MACROD2: variants seen among roughly 807,000 people sequenced by gnomAD.
The protein encoded by MACROD2 is ADP-ribose glycohydrolase MACROD2.
In MACROD2, 36 loss-of-function variants were observed where a neutral mutation model predicts 70.4. That is an observed-to-expected ratio of 0.51 (90% CI 0.39 to 0.68). The LOEUF is 0.68. MACROD2 is among the 30% of genes least tolerant of loss of function. The probability of loss-of-function intolerance (pLI) is 0.00; values close to 1 mark genes in which losing one functional copy is unlikely to be tolerated. For missense variants in MACROD2, 496 were observed against 538.4 expected, an observed-to-expected ratio of 0.92 and a Z score of 0.78; for synonymous variants, 172 against 178.8, an observed-to-expected ratio of 0.96 and a Z score of 0.30.
At chr20:15,904,625 G>C (rs530895381) in intron 10 of MACROD2, among the ~76,000 whole-genome samples, 87 of 151,838 alleles carry the variant, frequency 5.7e-4, no homozygotes, top group African/African-American at 2.0e-3. Context: ...AGGCGCGGTG[G>C]CTCACGCCTG....
chr20:15,297,180 C>G (rs1273662950), intron 6 of MACROD2, among the ~76,000 whole-genome samples: 2 of 152,118 alleles, frequency 1.3e-5, no homozygotes, highest in East Asian at 1.9e-4. Flanking sequence ...TTTTGCCCTT[C>G]TAAGTAGTCT....
intron 8 of MACROD2, among the ~76,000 whole-genome samples, chr20:15,616,725 G>A (rs1053681718): frequency 6.6e-6 from 1 of 152,102 alleles, no homozygotes; most frequent in East Asian, 1.9e-4. Flanking sequence ...CATCCCTCGT[G>A]CTAGTAAAAC....
At chr20:15,266,174 G>T (rs2077292689) in intron 6 of MACROD2, among the ~76,000 whole-genome samples, 2 of 152,162 alleles carry the variant, frequency 1.3e-5, no homozygotes, top group Non-Finnish European at 2.9e-5. Flanking sequence ...TAAACTTAAA[G>T]ATTCATAAGC....
At chr20:14,739,357 G>A (rs1471003799) in intron 5 of MACROD2, among the ~76,000 whole-genome samples, 2 of 151,732 alleles carry the variant, frequency 1.3e-5, no homozygotes, top group Non-Finnish European at 2.9e-5. Flanking sequence ...TGGCAAAAAA[G>A]GACAGGATAA....
At chr20:14,564,509 A>C (rs1039753969) in intron 4 of MACROD2, among the ~76,000 whole-genome samples, 3 of 151,986 alleles carry the variant, frequency 2.0e-5, no homozygotes, top group Non-Finnish European at 2.9e-5. Flanking sequence ...CAAGAAAAAA[A>C]CAAATAACTC....
chr20:15,745,940 T>C (rs1184082624), intron 8 of MACROD2, among the ~76,000 whole-genome samples: 1 of 152,136 alleles, frequency 6.6e-6, no homozygotes, highest in Non-Finnish European at 1.5e-5. Flanking sequence ...TTAAAATATA[T>C]CTTAATATTT....
intron 5 of MACROD2, among the ~76,000 whole-genome samples, chr20:14,800,797 T>C (rs2122138698): frequency 6.6e-6 from 1 of 152,222 alleles, no homozygotes; most frequent in South Asian, 2.1e-4. Context: ...TCCAGAATTG[T>C]CTTGAATTGA....
intron 3 of MACROD2, among the ~76,000 whole-genome samples, chr20:14,310,428 C>G (rs2082556509): frequency 6.6e-6 from 1 of 152,074 alleles, no homozygotes; most frequent in Non-Finnish European, 1.5e-5. Flanking sequence ...TATAATGGAG[C>G]TGAAAAATTC....
rs542765050 is a variant in MACROD2, at chr20:16,034,273, G to A, written c.1154-6928G>A. ...GCAGTTTGTGGGAAAGCATCATTAC[G>A]GTATAGTGTACCGTGGACTCAGCTT... On this transcript the variant is annotated intron_variant, in intron 15 of 17. Coordinates refer to ENST00000684519, the MANE Select transcript of MACROD2 (RefSeq NM_001351661.2). Among the ~76,000 whole-genome samples the A allele has an allele frequency of 1.8e-4, 27 of 152,018 alleles. No individual in the cohort carries two copies. The South Asian group carries it at 1.9e-3, about 11-fold the overall frequency.
At chr20:14,095,872 G>A (rs2054217208) in intron 3 of MACROD2, among the ~76,000 whole-genome samples, 1 of 152,166 alleles carries the variant, frequency 6.6e-6, no homozygotes, top group Admixed American at 6.5e-5. Flanking sequence ...TAGTTGACCT[G>A]CCTTTGACAG....
intron 4 of MACROD2, among the ~76,000 whole-genome samples, chr20:14,555,719 A>G (rs553386230): frequency 3.9e-5 from 6 of 152,212 alleles, no homozygotes; most frequent in Non-Finnish European, 8.8e-5. Context: ...GGGAAAGGGC[A>G]TGGACACTTT....
intron 3 of MACROD2, among the ~76,000 whole-genome samples, chr20:14,479,678 C>T (rs978626221): frequency 3.3e-5 from 5 of 151,900 alleles, no homozygotes; most frequent in South Asian, 2.1e-4. Context: ...GAGGAGGAAC[C>T]AGAAAAAACA....
chr20:15,099,378 A>G (rs2075855765), intron 5 of MACROD2, among the ~76,000 whole-genome samples: 1 of 152,108 alleles, frequency 6.6e-6, no homozygotes, highest in Non-Finnish European at 1.5e-5. Context: ...GAAGAGTAAA[A>G]CAAGAAAAAA....
intron 5 of MACROD2, among the ~76,000 whole-genome samples, chr20:14,963,561 A>T (rs73093929): frequency 3.3e-5 from 5 of 152,268 alleles, no homozygotes; most frequent in Non-Finnish European, 7.4e-5. Flanking sequence ...AGGTATGCTG[A>T]TTATGTAACA....
intron 12 of MACROD2, among the ~76,000 whole-genome samples, chr20:15,953,790 T>G (rs1453771338): frequency 6.6e-6 from 1 of 152,154 alleles, no homozygotes; most frequent in African/African-American, 2.4e-5. Flanking sequence ...ACATTTTCAT[T>G]ATTTACATCC....
At chr20:14,372,937 C>A (rs574795287) in intron 3 of MACROD2, among the ~76,000 whole-genome samples, 1 of 152,238 alleles carries the variant, frequency 6.6e-6, no homozygotes, top group Non-Finnish European at 1.5e-5. Flanking sequence ...TGTTTTGAAG[C>A]TTTCTCCTCC....
chr20:14,121,156 A>G (rs2054583991), intron 3 of MACROD2, among the ~76,000 whole-genome samples: 1 of 152,192 alleles, frequency 6.6e-6, no homozygotes, highest in African/African-American at 2.4e-5. Context: ...AGAAAACTCT[A>G]GTAACGATTC....
intron 3 of MACROD2, among the ~76,000 whole-genome samples, chr20:14,162,507 A>G (rs2148718537): frequency 6.6e-6 from 1 of 152,238 alleles, no homozygotes; most frequent in South Asian, 2.1e-4. Flanking sequence ...CTCACTATTT[A>G]GGTCTAATAG....
intron 2 of MACROD2, chr20:14,052,094 G>C: frequency 2.7e-6 from 1 of 376,316 alleles, no homozygotes; most frequent in Admixed American, 3.3e-5. Flanking sequence ...TGGAAGAGTG[G>C]GTTGGGAGGG....
Sources: allele counts gnomAD v4.1 joint callset (sites outside exome capture counted in the v4.1 genomes callset), GRCh38; gene constraint gnomAD v4.1.1; transcripts MANE v1.5; gene names NCBI Gene and HGNC (gene_info 2026-07-23, HGNC 2026-07-21).